The following ETV1 variants were observed in gnomAD, a reference collection of about 807,000 sequenced individuals.
The protein encoded by ETV1 is ETS variant transcription factor 1.
Under a neutral mutation model 62.3 loss-of-function variants are expected in ETV1, and 27 were observed. The observed-to-expected ratio is 0.43, with a 90% CI of 0.32 to 0.60. ETV1 has a LOEUF of 0.60. ETV1 is among the 20% of genes least tolerant of loss of function. ETV1 has a pLI of 0.06. For missense variants in ETV1, 605 were observed against 605.8 expected, an observed-to-expected ratio of 1.00 and a Z score of 0.01; for synonymous variants, 222 against 199.6, an observed-to-expected ratio of 1.11 and a Z score of -0.94.
At position 13,894,952 on chromosome 7, in the gene ETV1, T is replaced by A. The variant is rs1014369142; in HGVS notation, c.*914A>T. On this transcript the variant is annotated 3_prime_UTR_variant, in exon 14 of 14. Transcript: ENST00000430479. ...ATGATTTAGTACAGTTAATTCTTAT[T>A]GATTAAATAATGTATTTATGTACTG... The A allele has an allele frequency of 4.3e-6, 1 of 232,860 alleles. No homozygotes were observed. Among genetic ancestry groups the A allele is most frequent in the Non-Finnish European group, 8.5e-6 (1 of 117,700 alleles). 14.4% of individuals were successfully genotyped at this position (232,860 alleles called of 1,614,324 possible).
At chr7:13,961,722 C>T (rs551160720) in intron 6 of ETV1, among the ~76,000 whole-genome samples, 14 of 152,142 alleles carry the variant, frequency 9.2e-5, no homozygotes, top group Non-Finnish European at 1.6e-4. Flanking sequence ...TAATCTTACA[C>T]ATAAGATGCT....
At chr7:13,916,489 T>G (rs995026746) in intron 9 of ETV1, among the ~76,000 whole-genome samples, 3 of 151,384 alleles carry the variant, frequency 2.0e-5, no homozygotes, top group African/African-American at 7.3e-5. Flanking sequence ...AATACAAAAT[T>G]TAGCTGGGCA....
At chr7:13,987,112 A>G (rs3823705) in intron 4 of ETV1, 91,133 of 164,856 alleles carry the variant, frequency 0.55, 25,595 homozygotes, top group Admixed American at 0.62. Flanking sequence ...TGAATCTTAC[A>G]TAAAATATAT....
chr7:13,913,732 GTTGA>G (rs545902623), intron 9 of ETV1, among the ~76,000 whole-genome samples: 176 of 151,878 alleles, frequency 1.2e-3, no homozygotes, highest in Non-Finnish European at 1.3e-3. Context: ...TGACTGATTT[GTTGA>G]TTATTAGTGT....
chr7:13,912,415 T>G (rs1034303000), intron 9 of ETV1, among the ~76,000 whole-genome samples: 6 of 152,216 alleles, frequency 3.9e-5, no homozygotes, highest in African/African-American at 1.4e-4. Context: ...CCATCTCTAT[T>G]CAAATGGCTG....
chr7:13,935,174 T>C (rs1208018752), intron 8 of ETV1, among the ~76,000 whole-genome samples: 1 of 152,214 alleles, frequency 6.6e-6, no homozygotes, highest in Non-Finnish European at 1.5e-5. Flanking sequence ...ATCTCTTTAA[T>C]TGTATATTCG....
chr7:13,892,370 T>G lies in ETV1; in HGVS notation c.*3496A>C, dbSNP rs547021395. ...TTAGTGGAATAGTTGAAATTTAATA[T>G]AGAAAGTTTTCAAAATTATTTATGC... On this transcript the variant is annotated 3_prime_UTR_variant, in exon 14 of 14. Coordinates refer to ENST00000430479, the MANE Select transcript of ETV1 (RefSeq NM_004956.5). The G allele has an allele frequency of 4.3e-6, 1 of 232,582 alleles. No individual in the cohort carries two copies. Among genetic ancestry groups the G allele is most frequent in the Non-Finnish European group, 8.5e-6 (1 of 117,660 alleles). 14.4% of individuals were successfully genotyped at this position (232,582 alleles called of 1,614,324 possible).
intron 6 of ETV1, among the ~76,000 whole-genome samples, chr7:13,956,248 C>G (rs1334935998): frequency 6.6e-6 from 1 of 152,058 alleles, no homozygotes; most frequent in African/African-American, 2.4e-5. Flanking sequence ...AGAAGGCCTT[C>G]TTAAATGTTC....
At chr7:13,923,039 A>G (rs1311933220) in intron 9 of ETV1, among the ~76,000 whole-genome samples, 2 of 152,240 alleles carry the variant, frequency 1.3e-5, no homozygotes, top group Non-Finnish European at 2.9e-5. Context: ...GTAATAGTTT[A>G]GAAATAAATG....
chr7:13,987,481 C>CA (rs2128515422), intron 4 of ETV1, among the ~76,000 whole-genome samples: 1 of 152,214 alleles, frequency 6.6e-6, no homozygotes, highest in East Asian at 1.9e-4. Flanking sequence ...ATCCTAGCAA[C>CA]AGTTCATAAA....
intron 9 of ETV1, among the ~76,000 whole-genome samples, chr7:13,925,655 T>A (rs1785332357): frequency 6.6e-6 from 1 of 151,310 alleles, no homozygotes; most frequent in Non-Finnish European, 1.5e-5. Context: ...AAGCTACACC[T>A]CCCTGGTTCA....
At chr7:13,977,512 A>C in intron 5 of ETV1, 32 bp from the exon 6 acceptor site, 1 of 1,369,886 alleles carries the variant, frequency 7.3e-7, no homozygotes, top group Non-Finnish European at 1.0e-6. Context: ...AAAAAAAATT[A>C]AGAGAGAAAC....
intron 9 of ETV1, among the ~76,000 whole-genome samples, chr7:13,923,962 G>A (rs1785135245): frequency 6.6e-6 from 1 of 152,078 alleles, no homozygotes; most frequent in Non-Finnish European, 1.5e-5. Flanking sequence ...TTGAATCAGG[G>A]AGGCGGAGGT....
chr7:13,896,251 C>A (rs1253195297), intron 13 of ETV1, among the ~76,000 whole-genome samples, 164 bp from the exon 14 acceptor site: 1 of 150,432 alleles, frequency 6.6e-6, no homozygotes, highest in Non-Finnish European at 1.5e-5. Flanking sequence ...AAAAAAAAGT[C>A]TTTACTTTGT....
chr7:13,892,923 T>C lies in ETV1; in HGVS notation c.*2943A>G, dbSNP rs546959927. 1 of 232,106 alleles carries C rather than the reference T, an allele frequency of 4.3e-6. No individual in the cohort carries two copies. The highest frequency in any genetic ancestry group is 2.2e-5 in the African/African-American group (1 of 45,390). The allele number at this position is 232,106 out of a possible 1,614,324, so 14.4% of individuals were successfully genotyped here. A position where few individuals can be genotyped will look rare whatever the true frequency, so the allele number is the denominator to read the frequency against. ...TTTTGAACTTCTGCCTCCAGAACTA[T>C]AAGATAAATTTGTGTAAATTACTGA... On this transcript the variant is annotated 3_prime_UTR_variant, in exon 14 of 14. Coordinates refer to ENST00000430479, the MANE Select transcript of ETV1 (RefSeq NM_004956.5).
intron 3 of ETV1, chr7:13,988,545 C>CCAG: frequency 1.6e-6 from 1 of 608,652 alleles, no homozygotes; most frequent in Non-Finnish European, 2.6e-6. Context: ...GACAGCCCCT[C>CCAG]CTCCCCACCC....
chr7:13,991,395 C>G (rs1378475036), upstream of ETV1: 2 of 152,320 alleles, frequency 1.3e-5, no homozygotes, highest in Non-Finnish European at 2.9e-5. Context: ...CGGGTTAGGT[C>G]CCGGCGAGGT....
chr7:13,923,322 A>C (rs1447744739), intron 9 of ETV1, among the ~76,000 whole-genome samples: 9 of 152,220 alleles, frequency 5.9e-5, no homozygotes, highest in Admixed American at 5.9e-4. Flanking sequence ...GAATTACTTC[A>C]CTACTTTTCC....
rs537002344 is a variant in ETV1 at position 13,918,829 on chromosome 7, C to G, written c.803-7522G>C. On this transcript the variant is annotated intron_variant, in intron 9 of 13. Coordinates refer to ENST00000430479, the MANE Select transcript of ETV1 (RefSeq NM_004956.5). ...GCATGGCACATGTATACATATGTAA[C>G]TAACCTGCACAATGTGCACATGTAC... is the stretch of plus-strand genomic sequence containing the variant. 1.2e-4 allele frequency among the ~76,000 whole-genome samples: 17 copies of G among 145,636 alleles called. No individual in the cohort carries two copies. The East Asian group carries it at 3.3e-3, about 28-fold the overall frequency.
Sources: allele counts gnomAD v4.1 joint callset (sites outside exome capture counted in the v4.1 genomes callset), GRCh38; gene constraint gnomAD v4.1.1; transcripts MANE v1.5; gene names NCBI Gene and HGNC (gene_info 2026-07-23, HGNC 2026-07-21).